The following DGKB variants were observed in gnomAD, a reference collection of about 807,000 sequenced individuals.
The protein encoded by DGKB is 90 kDa diacylglycerol kinase.
Under a neutral mutation model 114.3 loss-of-function variants are expected in DGKB, and 67 were observed. The ratio of observed to expected loss-of-function variants is 0.59; its 90% CI spans 0.48 to 0.72. The LOEUF is 0.72. Among genes scored for constraint, DGKB ranks in the 30% least tolerant of loss-of-function variants. The pLI is 0.00. For synonymous variants in DGKB, 398 were observed against 323.1 expected, an observed-to-expected ratio of 1.23 and a Z score of -2.49; for missense variants, 907 against 975.2, an observed-to-expected ratio of 0.93 and a Z score of 0.93.
intron 14 of DGKB, among the ~76,000 whole-genome samples, chr7:14,628,309 G>A (rs1304216392): frequency 1.3e-5 from 2 of 150,834 alleles, no homozygotes; most frequent in Admixed American, 6.6e-5. Flanking sequence ...CACAAGTTAT[G>A]TGTGTGTGTG....
Position 14,787,942 on chromosome 7 carries a change from A to C in DGKB, c.71-30211T>G, listed in dbSNP as rs1840128808. ...CTCTCACCCAAGATCCACCACCATT[A>C]CAGGTCAGCATTTGACTGCCTTTGA... On this transcript the variant is annotated intron_variant, in intron 2 of 25. Coordinates refer to ENST00000402815, the MANE Select transcript of DGKB (RefSeq NM_001350709.2). Among the ~76,000 whole-genome samples, 7 of 118,458 alleles carry C rather than the reference A, an allele frequency of 5.9e-5. No homozygotes were observed. In the Admixed American group the frequency reaches 6.1e-4, roughly 10 times the overall value. The allele number at this position is 118,458 out of a possible 152,430, so 77.7% of individuals were successfully genotyped here. A position where few individuals can be genotyped will look rare whatever the true frequency, so the allele number is the denominator to read the frequency against.
chr7:14,234,299 A>T lies in DGKB; in HGVS notation c.2123-56148T>A, dbSNP rs180965804. Among the ~76,000 whole-genome samples, 264 of 151,036 alleles carry T rather than the reference A, an allele frequency of 1.7e-3. 2 individuals carry two copies. Among genetic ancestry groups the T allele is most frequent in the African/African-American group, 6.2e-3 (258 of 41,504 alleles). On this transcript the variant is annotated intron_variant, in intron 23 of 25. Transcript: ENST00000402815. ...AGATAGTAACTACAGATTTAAAAGA[A>T]AAAAAAATTCATACACTCTTCTCCA...
intron 25 of DGKB, among the ~76,000 whole-genome samples, chr7:14,170,403 TTAAA>T (rs371642644): frequency 5.1e-4 from 77 of 152,230 alleles, no homozygotes; most frequent in African/African-American, 1.7e-3. Context: ...GCTGTGGAAA[TTAAA>T]TAAGTAATAA....
chr7:14,472,119 G>T (rs1726830993), intron 21 of DGKB, among the ~76,000 whole-genome samples: 1 of 152,106 alleles, frequency 6.6e-6, no homozygotes, highest in African/African-American at 2.4e-5. Flanking sequence ...AATTTGAATT[G>T]AATCACTGAA....
At chr7:14,206,077 T>A (rs1365406912) in intron 23 of DGKB, among the ~76,000 whole-genome samples, 1 of 151,994 alleles carries the variant, frequency 6.6e-6, no homozygotes, top group East Asian at 1.9e-4. Context: ...AAAATGTAAA[T>A]TCTCTTAAAA....
chr7:14,857,673 C>T (rs997666760), intron 1 of DGKB, among the ~76,000 whole-genome samples: 21 of 151,836 alleles, frequency 1.4e-4, no homozygotes, highest in Admixed American at 1.3e-3. Flanking sequence ...AATAAACTGC[C>T]TATTTATATC....
chr7:14,208,285 G>A (rs6461075), intron 23 of DGKB, among the ~76,000 whole-genome samples: 69,685 of 151,806 alleles, frequency 0.46, 18,934 homozygotes, highest in African/African-American at 0.76. Flanking sequence ...AAATATTTCA[G>A]GGATGGAACA....
intron 23 of DGKB, among the ~76,000 whole-genome samples, chr7:14,273,769 C>A (rs940650218): frequency 3.3e-5 from 5 of 152,120 alleles, no homozygotes; most frequent in Non-Finnish European, 7.4e-5. Context: ...TCAGTTGTTA[C>A]TAGTAAGTAG....
At chr7:14,459,740 C>T (rs909926595) in intron 21 of DGKB, among the ~76,000 whole-genome samples, 19 of 152,090 alleles carry the variant, frequency 1.2e-4, no homozygotes, top group Admixed American at 7.2e-4. Flanking sequence ...TCAGGAAATA[C>T]GGAGAACACC....
intron 16 of DGKB, among the ~76,000 whole-genome samples, chr7:14,610,758 C>T (rs1262762117): frequency 3.3e-5 from 5 of 152,000 alleles, no homozygotes; most frequent in Admixed American, 1.3e-4. Context: ...CCCTATCTGA[C>T]GTTGTCCTTG....
intron 21 of DGKB, among the ~76,000 whole-genome samples, chr7:14,409,406 G>C (rs552142329): frequency 6.7e-6 from 1 of 149,112 alleles, no homozygotes; most frequent in East Asian, 2.0e-4. Flanking sequence ...AAAATGTCAC[G>C]ACATTAAAGA....
chr7:14,268,226 CA>C (rs1797792810), intron 23 of DGKB, among the ~76,000 whole-genome samples: 1 of 151,704 alleles, frequency 6.6e-6, no homozygotes, highest in Non-Finnish European at 1.5e-5. Flanking sequence ...CACACACACA[CA>C]CACCACACAC....
chr7:14,458,076 A>G (rs772781946), intron 21 of DGKB, among the ~76,000 whole-genome samples: 2 of 152,062 alleles, frequency 1.3e-5, no homozygotes, highest in East Asian at 3.9e-4. Context: ...AGCCTTGATT[A>G]AAAAAAACGA....
At chr7:14,715,130 T>C (rs1266586897) in intron 6 of DGKB, among the ~76,000 whole-genome samples, 1 of 152,174 alleles carries the variant, frequency 6.6e-6, no homozygotes, top group Admixed American at 6.6e-5. Flanking sequence ...ATTCTCAACC[T>C]AGGGTTTGCA....
intron 25 of DGKB, 87 bp from the exon 26 acceptor site, chr7:14,149,325 G>A (rs1781840375): frequency 4.3e-6 from 4 of 930,782 alleles, no homozygotes; most frequent in Non-Finnish European, 6.5e-6. Flanking sequence ...CTCTGTTAAG[G>A]TTAATAATAT....
At chr7:14,356,538 T>C (rs1278520895) in intron 21 of DGKB, among the ~76,000 whole-genome samples, 1 of 151,846 alleles carries the variant, frequency 6.6e-6, no homozygotes. Flanking sequence ...ATTTTTTGTA[T>C]TTTTAGTAGA....
At chr7:14,729,690 T>C (rs1244187553) in intron 5 of DGKB, among the ~76,000 whole-genome samples, 2 of 152,180 alleles carry the variant, frequency 1.3e-5, no homozygotes, top group African/African-American at 2.4e-5. Context: ...TCTTTTCCTC[T>C]AGTTTTATTT....
intron 25 of DGKB, among the ~76,000 whole-genome samples, chr7:14,154,018 G>T (rs1200204598): frequency 6.6e-6 from 1 of 151,852 alleles, no homozygotes; most frequent in Non-Finnish European, 1.5e-5. Context: ...CAAAGTAAAT[G>T]AGTGAGCTAA....
chr7:14,646,689 T>A lies in DGKB; in HGVS notation c.1135-16421A>T, dbSNP rs144793778. ...AATCAGAATCAATATTAAGAAGAAC[T>A]TTGGAAATTGTACAAATACATGGAA... On this transcript the variant is annotated intron_variant, in intron 13 of 25. Transcript: ENST00000402815. 6.8e-3 allele frequency among the ~76,000 whole-genome samples: 1,039 copies of A among 152,054 alleles called. 13 individuals carry two copies. The highest frequency in any genetic ancestry group is 0.024 in the African/African-American group (1,008 of 41,496).
Sources: gnomAD v4.1 joint callset for allele counts (sites outside exome capture counted in the v4.1 genomes callset) on GRCh38, gnomAD v4.1.1 for gene constraint, MANE v1.5 for transcripts, NCBI Gene and HGNC (gene_info 2026-07-23, HGNC 2026-07-21) for gene names.